The following TRPM6 variants were observed in gnomAD, a reference collection of about 807,000 sequenced individuals.
TRPM6 encodes the protein channel kinase 2.
Under a neutral mutation model 247.6 loss-of-function variants are expected in TRPM6, and 111 were observed. That is an observed-to-expected ratio of 0.45 (90% CI 0.38 to 0.52). The LOEUF (loss-of-function observed/expected upper bound fraction) is 0.52. TRPM6 is among the 20% of genes least tolerant of loss of function. The probability of loss-of-function intolerance (pLI) is 0.00; values close to 1 mark genes in which losing one functional copy is unlikely to be tolerated. For synonymous variants in TRPM6, 892 were observed against 853.8 expected (o/e 1.04, Z -0.78); for missense variants, 2,126 against 2,421.5 (o/e 0.88, Z 2.56).
At chr9:74,878,866 C>A (rs1289134628) in intron 1 of TRPM6, among the ~76,000 whole-genome samples, 1 of 152,102 alleles carries the variant, frequency 6.6e-6, no homozygotes, top group Non-Finnish European at 1.5e-5. Flanking sequence ...TTCCTGTAAT[C>A]TTAGTTACTT....
chr9:74,820,189 T>G, intron 9 of TRPM6, 115 bp downstream of exon 9: 1 of 1,206,306 alleles, frequency 8.3e-7, no homozygotes, highest in Non-Finnish European at 1.2e-6. Flanking sequence ...GGCCCCTGTA[T>G]GTTGTTCCCC....
intron 1 of TRPM6, among the ~76,000 whole-genome samples, chr9:74,866,902 C>T (rs1830861694): frequency 1.3e-5 from 2 of 152,228 alleles, no homozygotes; most frequent in Admixed American, 1.3e-4. Context: ...TTATGTCTAC[C>T]AATATTTACC....
At chr9:74,788,123 C>T (rs1378717297) in intron 20 of TRPM6, among the ~76,000 whole-genome samples, 1 of 151,976 alleles carries the variant, frequency 6.6e-6, no homozygotes, top group African/African-American at 2.4e-5. Context: ...CTTCAATTTT[C>T]AAAGTGTTTG....
intron 25 of TRPM6, among the ~76,000 whole-genome samples, chr9:74,764,824 C>A (rs574051538): frequency 1.8e-4 from 27 of 152,088 alleles, no homozygotes; most frequent in Non-Finnish European, 3.5e-4. Flanking sequence ...CTTGATTAAG[C>A]AAAAACTTTC....
rs753334274 is a variant in TRPM6 at position 74,762,549 on chromosome 9, T to G, written c.4122A>C (p.Ala1374=). The G allele has an allele frequency of 6.2e-7, 1 of 1,614,182 alleles. No individual in the cohort carries two copies. Among genetic ancestry groups the G allele is most frequent in the Admixed American group, 1.7e-5 (1 of 60,014 alleles). The change falls in exon 26 of 39, where the codon GCA becomes GCC. Residue 1374 remains alanine (A), a synonymous_variant. Transcript: ENST00000360774. ...CCTCAGTCTGGATGTCCTGTTCAGT[T>G]GCCAGCACATCTGGCACAGAGGGTC... The part of the protein sequence containing the change: ...LSRPSVPDVL[A]TEQDIQTEVL...
intron 26 of TRPM6, 32 bp downstream of exon 26, chr9:74,761,967 T>C (rs372052443): frequency 6.2e-6 from 10 of 1,604,844 alleles, no homozygotes; most frequent in Non-Finnish European, 8.5e-6. Flanking sequence ...GCAAAGGACT[T>C]AATGCTGATA....
chr9:74,853,532 G>A (rs916998316), intron 3 of TRPM6, among the ~76,000 whole-genome samples: 1 of 152,192 alleles, frequency 6.6e-6, no homozygotes, highest in African/African-American at 2.4e-5. Context: ...CTTCTGCCTT[G>A]GGATGCTGTT....
At chr9:74,728,979 T>C (rs994714579) in intron 37 of TRPM6, among the ~76,000 whole-genome samples, 1 of 152,100 alleles carries the variant, frequency 6.6e-6, no homozygotes, top group Non-Finnish European at 1.5e-5. Flanking sequence ...GGTGACAGAG[T>C]TACAAATAGA....
At chr9:74,737,595 G>A (rs1825736472) in intron 36 of TRPM6, 1 of 434,110 alleles carries the variant, frequency 2.3e-6, no homozygotes, top group Non-Finnish European at 4.0e-6. Flanking sequence ...AACAGCTTAA[G>A]TCTGCATCCT....
Position 74,782,434 on chromosome 9 carries a change from G to A in TRPM6, c.3137C>T (p.Thr1046Ile). The A allele has an allele frequency of 1.9e-6, 3 of 1,614,028 alleles. No individual in the cohort carries two copies. Among genetic ancestry groups the A allele is most frequent in the Non-Finnish European group, 1.7e-6 (2 of 1,179,980 alleles). ...GAGGTAGACAGCTTGCAAGAATGGAGTAAGAAAAGAACCAGGAGGGCAGGA... is the reference window on the plus strand; with the variant it reads ...GAGGTAGACAGCTTGCAAGAATGGAATAAGAAAAGAACCAGGAGGGCAGGA... ...QPSCPPGSFLTPFLQAVYLFV... is the reference protein window; with the variant it reads ...QPSCPPGSFLIPFLQAVYLFV... The change falls in exon 23 of 39, where the codon ACT becomes ATT. Residue 1046 changes from threonine (T) to isoleucine (I), a missense_variant. This residue lies in a region of TRPM6 where 1,082 missense variants were observed against 1,307.9 expected (regional missense o/e 0.83). Coordinates refer to ENST00000360774, the MANE Select transcript of TRPM6 (RefSeq NM_017662.5).
intron 17 of TRPM6, 105 bp from the exon 18 acceptor site, chr9:74,796,998 T>C: frequency 2.0e-6 from 2 of 1,015,698 alleles, no homozygotes; most frequent in South Asian, 2.8e-5. Context: ...GCCAGACCCA[T>C]CCCAGTCAAT....
chr9:74,782,464 T>C lies in TRPM6; in HGVS notation c.3107A>G (p.Gln1036Arg). ...AAAAGAACCAGGAGGGCAGGATGGC[T>C]GGCTTGAACAAACTACAAATAAAGA... ...YAGEIDVCSS[Q>R]PSCPPGSFLT... Residue 1036 changes from glutamine (Q) to arginine (R), a missense_variant, in exon 23 of 39, where the codon CAG becomes CGG. Transcript: ENST00000360774. The C allele has an allele frequency of 6.2e-7, 1 of 1,613,884 alleles. No individual in the cohort carries two copies. The highest frequency in any genetic ancestry group is 8.5e-7 in the Non-Finnish European group (1 of 1,179,796).
At chr9:74,773,100 C>A (rs1419660907) in intron 24 of TRPM6, among the ~76,000 whole-genome samples, 1 of 152,152 alleles carries the variant, frequency 6.6e-6, no homozygotes, top group African/African-American at 2.4e-5. Context: ...GCACTCCAGC[C>A]TGGGCAACAG....
At chr9:74,741,105 T>C (rs1825849831) in intron 33 of TRPM6, among the ~76,000 whole-genome samples, 1 of 152,088 alleles carries the variant, frequency 6.6e-6, no homozygotes, top group African/African-American at 2.4e-5. Context: ...CAACCTCAGA[T>C]ACAAACTCAA....
chr9:74,867,776 C>T (rs1830896614), intron 1 of TRPM6, among the ~76,000 whole-genome samples: 2 of 152,050 alleles, frequency 1.3e-5, no homozygotes, highest in Admixed American at 1.3e-4. Context: ...TCTTTTAAAA[C>T]ATTGAAACCT....
At chr9:74,757,222 C>G (rs1384626587) in intron 27 of TRPM6, among the ~76,000 whole-genome samples, 1 of 151,476 alleles carries the variant, frequency 6.6e-6, no homozygotes, top group Non-Finnish European at 1.5e-5. Context: ...AAGAGAAGAC[C>G]AGAGTTAAAC....
intron 23 of TRPM6, among the ~76,000 whole-genome samples, chr9:74,778,018 G>A (rs959226425): frequency 7.2e-5 from 11 of 152,202 alleles, no homozygotes; most frequent in African/African-American, 1.9e-4. Flanking sequence ...ACAAAATGCC[G>A]CTCAGCATGT....
intron 36 of TRPM6, among the ~76,000 whole-genome samples, chr9:74,735,091 GT>G (rs1434073351): frequency 6.6e-6 from 1 of 152,012 alleles, no homozygotes; most frequent in Non-Finnish European, 1.5e-5. Context: ...GTGGTGGCGT[GT>G]GCCTGTGGTC....
At chr9:74,789,332 T>C (rs924702283) in intron 19 of TRPM6, among the ~76,000 whole-genome samples, 1 of 152,196 alleles carries the variant, frequency 6.6e-6, no homozygotes, top group Non-Finnish European at 1.5e-5. Context: ...TGACACATGA[T>C]AGACATTCAA....
Sources: gnomAD v4.1 joint callset for allele counts (sites outside exome capture counted in the v4.1 genomes callset) on GRCh38, gnomAD v4.1.1 for gene constraint, gnomAD v4.1.1 regional missense constraint, MANE v1.5 for transcripts, NCBI Gene and HGNC (gene_info 2026-07-23, HGNC 2026-07-21) for gene names.